Variants in WNK2 observed in about 807,000 individuals in gnomAD.
WNK2 encodes the protein WNK lysine deficient protein kinase 2, also known as serine/threonine-protein kinase WNK2.
A neutral mutation model predicts 192.1 loss-of-function variants in WNK2; 67 were observed. The observed-to-expected ratio is 0.35, with a 90% confidence interval of 0.29 to 0.43. The LOEUF (loss-of-function observed/expected upper bound fraction) is 0.43, where lower values mean the gene tolerates loss of function less well. Ranked by LOEUF, WNK2 falls within the 20% of genes least tolerant of loss-of-function variation. The probability of loss-of-function intolerance (pLI) is 1.00; values close to 1 mark genes in which losing one functional copy is unlikely to be tolerated. For missense variants in WNK2, 2,698 were observed against 3,089.7 expected (o/e 0.87, Z 3.01); for synonymous variants, 1,439 against 1,393.9 (o/e 1.03, Z -0.72).
chr9:93,259,630 G>A lies in WNK2; in HGVS notation c.3066+16G>A, dbSNP rs756538796. ...AGGGAGCCAGGTAATCACCTGCTGG[G>A]CAGGGGCTCACCCTCCCAGCGTCTG... On this transcript the variant is annotated intron_variant, in intron 12 of 29. Transcript: ENST00000427277. The surrounding 1 kb of genome is among the most constrained non-coding windows in gnomAD (Gnocchi z 4.8). The A allele has an allele frequency of 5.2e-6, 8 of 1,549,122 alleles. No homozygotes were observed. The South Asian group carries it at 9.9e-5, about 19-fold the overall frequency.
intron 12 of WNK2, 71 bp from the exon 13 acceptor site, chr9:93,261,743 A>T: frequency 6.6e-7 from 1 of 1,516,890 alleles, no homozygotes; most frequent in Non-Finnish European, 8.9e-7. Flanking sequence ...ATTCCCAGAC[A>T]CACCTGGGCA....
intron 4 of WNK2, among the ~76,000 whole-genome samples, chr9:93,232,119 A>T (rs1838916263): frequency 6.6e-6 from 1 of 152,214 alleles, no homozygotes; most frequent in East Asian, 1.9e-4. Context: ...TGAGGGCAGG[A>T]CAGTGAGCAG....
intron 2 of WNK2, among the ~76,000 whole-genome samples, chr9:93,204,801 G>T (rs1833082258): frequency 1.3e-5 from 2 of 152,180 alleles, no homozygotes; most frequent in Admixed American, 1.3e-4. Context: ...ACACCAGGGA[G>T]GAACATGGGT....
intron 23 of WNK2, among the ~76,000 whole-genome samples, chr9:93,297,117 CTCCCCTCGGCGTCCTCCCCTCGGCGTCA>C (rs1245857690): frequency 2.8e-5 from 4 of 145,066 alleles, no homozygotes; most frequent in Non-Finnish European, 6.1e-5. Context: ...CCTTGGCGTC[CTCCCCTCGGCGTCCTCCCCTCGGCGTCA>C]TCCCCTCCCC....
chr9:93,207,816 C>T (rs1042224435), intron 2 of WNK2, among the ~76,000 whole-genome samples: 1 of 152,156 alleles, frequency 6.6e-6, no homozygotes, highest in Admixed American at 6.5e-5. Flanking sequence ...CAGTAGATTG[C>T]AAAGAATTTG....
chr9:93,218,326 T>A (rs1836145059), intron 2 of WNK2, among the ~76,000 whole-genome samples: 1 of 152,100 alleles, frequency 6.6e-6, no homozygotes, highest in African/African-American at 2.4e-5. Context: ...GCTATCCAAA[T>A]CTATCTTTAG....
At chr9:93,215,226 A>G (rs1050810086) in intron 2 of WNK2, among the ~76,000 whole-genome samples, 1 of 152,002 alleles carries the variant, frequency 6.6e-6, no homozygotes, top group East Asian at 1.9e-4. Context: ...GGTTCAAGCA[A>G]TTCTCCCTGA....
chr9:93,200,697 G>T (rs565886125), intron 2 of WNK2, among the ~76,000 whole-genome samples: 2 of 152,168 alleles, frequency 1.3e-5, no homozygotes, highest in Non-Finnish European at 2.9e-5. Context: ...CTCTGGATTG[G>T]GTGACTTAGA....
intron 7 of WNK2, among the ~76,000 whole-genome samples, chr9:93,245,231 G>T (rs556898640): frequency 6.6e-6 from 1 of 152,196 alleles, no homozygotes; most frequent in Non-Finnish European, 1.5e-5. Context: ...TGATTCCCCT[G>T]AAGCCCTGAA....
chr9:93,205,190 G>A (rs1257027233), intron 2 of WNK2, among the ~76,000 whole-genome samples: 1 of 152,166 alleles, frequency 6.6e-6, no homozygotes, highest in African/African-American at 2.4e-5. Flanking sequence ...TGTTACCGGT[G>A]ACTGGGGAGG....
At chr9:93,213,061 A>AG (rs141160779) in intron 2 of WNK2, among the ~76,000 whole-genome samples, 81,490 of 151,956 alleles carry the variant, frequency 0.54, 23,491 homozygotes, top group Non-Finnish European at 0.64. Context: ...GCCTACTTCC[A>AG]GGGAGGGGGC....
At chr9:93,196,175 G>C (rs982844856) in intron 2 of WNK2, among the ~76,000 whole-genome samples, 1 of 152,132 alleles carries the variant, frequency 6.6e-6, no homozygotes, top group Non-Finnish European at 1.5e-5. Flanking sequence ...CTGGGGAGGG[G>C]CGTTAACAGG....
chr9:93,287,207 G>A (rs557823969), intron 19 of WNK2, among the ~76,000 whole-genome samples: 166 of 152,240 alleles, frequency 1.1e-3, no homozygotes, highest in African/African-American at 3.8e-3. Flanking sequence ...ACAATAAGAC[G>A]CCATCACACA....
chr9:93,279,222 G>A (rs1328184113), intron 19 of WNK2, among the ~76,000 whole-genome samples: 2 of 152,118 alleles, frequency 1.3e-5, no homozygotes, highest in African/African-American at 4.8e-5. Flanking sequence ...AAAAACAAAT[G>A]GAATCCCCAA....
intron 2 of WNK2, among the ~76,000 whole-genome samples, chr9:93,223,310 C>A (rs73523697): frequency 6.6e-6 from 1 of 152,148 alleles, no homozygotes; most frequent in Non-Finnish European, 1.5e-5. Context: ...ACATAAACCA[C>A]CCACTGCTCA....
intron 24 of WNK2, among the ~76,000 whole-genome samples, chr9:93,298,375 C>T (rs1430795759): frequency 6.6e-6 from 1 of 152,234 alleles, no homozygotes; most frequent in African/African-American, 2.4e-5. Flanking sequence ...TGCTCCTCTG[C>T]AGGGCACTGC....
intron 2 of WNK2, among the ~76,000 whole-genome samples, chr9:93,206,329 T>A (rs1430668991): frequency 6.6e-6 from 1 of 152,166 alleles, no homozygotes; most frequent in Admixed American, 6.5e-5. Flanking sequence ...TGCAGTGACC[T>A]GGGCACGTGG....
In WNK2 at chr9:93,318,916, A is replaced by G. The variant is rs972289699; in HGVS notation, c.6628+1285A>G. The stretch of plus-strand genomic sequence containing the variant: ...CAGCTGTGAATTGTATAGTTTCTGT[A>G]CTTATTAGAACTGGGTAAATTATTT... On this transcript the variant is annotated intron_variant, in intron 29 of 29. Coordinates refer to ENST00000427277, the MANE Select transcript of WNK2 (RefSeq NM_006648.4). The G allele has an allele frequency of 3.5e-6, 5 of 1,412,524 alleles. No individual in the cohort carries two copies. In the African/African-American group the frequency reaches 5.8e-5, roughly 16 times the overall value. The allele number at this position is 1,412,524 out of a possible 1,614,324, so 87.5% of individuals were successfully genotyped here.
intron 26 of WNK2, among the ~76,000 whole-genome samples, chr9:93,306,317 A>T: frequency 6.6e-6 from 1 of 152,184 alleles, no homozygotes; most frequent in East Asian, 1.9e-4. Flanking sequence ...TTGCACTTGG[A>T]AAACCTCCGA....
Sources: gnomAD v4.1 joint callset for allele counts (sites outside exome capture counted in the v4.1 genomes callset) on GRCh38, gnomAD v4.1.1 for gene constraint, Gnocchi (gnomAD v3.1) non-coding constraint, MANE v1.5 for transcripts, NCBI Gene and HGNC (gene_info 2026-07-23, HGNC 2026-07-21) for gene names.